RFX4: variants seen among roughly 807,000 people sequenced by gnomAD.
The protein encoded by RFX4 is regulatory factor X4.
In RFX4, 10 loss-of-function variants were observed where a neutral mutation model predicts 95.0. The ratio of observed to expected loss-of-function variants is 0.11; its 90% CI spans 0.06 to 0.18. RFX4 has a LOEUF of 0.18. RFX4 is among the 10% of genes least tolerant of loss of function. RFX4 has a pLI of 1.00. For missense variants in RFX4, 640 were observed against 922.0 expected, an observed-to-expected ratio of 0.69 and a Z score of 3.96; for synonymous variants, 321 against 340.7, an observed-to-expected ratio of 0.94 and a Z score of 0.64.
chr12:106,693,031 C>T, intron 7 of RFX4: 1 of 373,682 alleles, frequency 2.7e-6, no homozygotes, highest in Non-Finnish European at 5.4e-6. Flanking sequence ...GCTTAAGCCA[C>T]AAACTTTGAT....
rs1375269151 is a variant in RFX4, at chr12:106,762,605, T to C, written c.*1136T>C. 1 of 152,606 alleles carries C rather than the reference T, an allele frequency of 6.6e-6. No individual in the cohort carries two copies. The highest frequency in any genetic ancestry group is 6.6e-5 in the Admixed American group (1 of 15,262). 9.5% of individuals were successfully genotyped at this position (152,606 alleles called of 1,614,324 possible). A position where few individuals can be genotyped will look rare whatever the true frequency, so the allele number is the denominator to read the frequency against. ...TATTATAAAATGCACCAAGCAATTATGGTGGACCTATTACCCTATGGGTAA... is the reference window on the plus strand; with the variant it reads ...TATTATAAAATGCACCAAGCAATTACGGTGGACCTATTACCCTATGGGTAA... On this transcript the variant is annotated 3_prime_UTR_variant, in exon 18 of 18. Coordinates refer to ENST00000392842, the MANE Select transcript of RFX4 (RefSeq NM_213594.3).
chr12:106,589,484 C>T (rs776505363), intron 1 of RFX4, among the ~76,000 whole-genome samples: 1 of 152,152 alleles, frequency 6.6e-6, no homozygotes, highest in Non-Finnish European at 1.5e-5. Flanking sequence ...CTGTAACAGG[C>T]ACTTTTTCAC....
rs924387322 is a variant in RFX4, at chr12:106,762,616, T to C, written c.*1147T>C. 1 of 152,584 alleles carries C rather than the reference T, an allele frequency of 6.6e-6. No individual in the cohort carries two copies. Among genetic ancestry groups the C allele is most frequent in the African/African-American group, 2.4e-5 (1 of 41,432 alleles). The allele number at this position is 152,584 out of a possible 1,614,324, so 9.5% of individuals were successfully genotyped here. A position where few individuals can be genotyped will look rare whatever the true frequency, so the allele number is the denominator to read the frequency against. ...GCACCAAGCAATTATGGTGGACCTA[T>C]TACCCTATGGGTAAGAAATAAATGG... On this transcript the variant is annotated 3_prime_UTR_variant, in exon 18 of 18. Transcript: ENST00000392842.
intron 10 of RFX4, among the ~76,000 whole-genome samples, chr12:106,712,662 A>G (rs1277927718): frequency 2.6e-5 from 4 of 152,178 alleles, no homozygotes; most frequent in Admixed American, 6.5e-5. Flanking sequence ...TTTGGAGACC[A>G]GAGGGAAACT....
chr12:106,669,839 GGTGTGTGTGTGTGTGTGTGTGT>G (rs60975691), intron 4 of RFX4, among the ~76,000 whole-genome samples: 1 of 143,158 alleles, frequency 7.0e-6, no homozygotes, highest in African/African-American at 2.6e-5. Flanking sequence ...TTTTTCTAGG[GGTGTGTGTGTGTGTGTGTGTGT>G]GTGTGTGTGT....
chr12:106,651,733 C>G (rs984058826), intron 3 of RFX4, among the ~76,000 whole-genome samples: 4 of 152,176 alleles, frequency 2.6e-5, no homozygotes, highest in African/African-American at 9.7e-5. Flanking sequence ...AGGACTCTGG[C>G]CAACTTCAGG....
intron 3 of RFX4, among the ~76,000 whole-genome samples, chr12:106,644,521 C>T (rs1592889554): frequency 6.6e-6 from 1 of 152,186 alleles, no homozygotes; most frequent in Admixed American, 6.5e-5. Context: ...GCATGAGCCA[C>T]CCCACCCGGC....
chr12:106,650,278 TAGCAAAAATA>T (rs536220474), intron 3 of RFX4, among the ~76,000 whole-genome samples: 138 of 152,296 alleles, frequency 9.1e-4, no homozygotes, highest in South Asian at 6.0e-3. Flanking sequence ...AGGAAGCCAT[TAGCAAAAATA>T]AGCAAAAAGG....
chr12:106,628,094 C>A (rs1399848963), intron 2 of RFX4, among the ~76,000 whole-genome samples: 1 of 152,160 alleles, frequency 6.6e-6, no homozygotes, highest in African/African-American at 2.4e-5. Flanking sequence ...TTTAAGATGA[C>A]CTCCTTGGCT....
At chr12:106,716,184 T>A (rs1453163994) in intron 11 of RFX4, among the ~76,000 whole-genome samples, 3 of 152,082 alleles carry the variant, frequency 2.0e-5, no homozygotes, top group South Asian at 4.2e-4. Context: ...ATTCCTCAGA[T>A]GCCCATCCCA....
Position 106,583,131 on chromosome 12 carries a change from T to G in RFX4, c.-190T>G. On this transcript the variant is annotated 5_prime_UTR_variant, in exon 1 of 18. Transcript: ENST00000392842. ...CTCCCTCTCTCTCCTCTTTTCTTCTTTCTCTTTTCTTTCCTCTTCTTTTTC... is the reference window on the plus strand; with the variant it reads ...CTCCCTCTCTCTCCTCTTTTCTTCTGTCTCTTTTCTTTCCTCTTCTTTTTC... The G allele has an allele frequency of 4.3e-6, 2 of 466,394 alleles. No homozygotes were observed. Among genetic ancestry groups the G allele is most frequent in the Non-Finnish European group, 7.3e-6 (2 of 274,684 alleles). The allele number at this position is 466,394 out of a possible 1,614,324, so 28.9% of individuals were successfully genotyped here.
intron 15 of RFX4, among the ~76,000 whole-genome samples, chr12:106,738,720 T>A (rs2042755358): frequency 1.3e-5 from 2 of 152,206 alleles, no homozygotes; most frequent in Admixed American, 6.5e-5. Context: ...ACTCCATTGC[T>A]AAATTAGACT....
intron 2 of RFX4, among the ~76,000 whole-genome samples, chr12:106,615,872 T>G (rs2040061131): frequency 6.6e-6 from 1 of 152,258 alleles, no homozygotes; most frequent in African/African-American, 2.4e-5. Context: ...TTGCATTTTT[T>G]GAACATTCTA....
chr12:106,674,068 C>G (rs2041343271), intron 4 of RFX4, among the ~76,000 whole-genome samples: 1 of 152,192 alleles, frequency 6.6e-6, no homozygotes, highest in African/African-American at 2.4e-5. Flanking sequence ...CCCTGTGAAC[C>G]CCTCCAGCCC....
chr12:106,736,853 TC>T (rs1313085358), intron 15 of RFX4, among the ~76,000 whole-genome samples: 10 of 152,230 alleles, frequency 6.6e-5, no homozygotes, highest in African/African-American at 2.2e-4. Flanking sequence ...CAGACTCTAC[TC>T]TGTCCTCTCA....
chr12:106,698,419 T>A (rs560690300), intron 8 of RFX4, among the ~76,000 whole-genome samples: 4 of 152,110 alleles, frequency 2.6e-5, no homozygotes, highest in Non-Finnish European at 4.4e-5. Flanking sequence ...GCTAGAACTA[T>A]AGGCATGCCC....
rs530171260 is a variant in RFX4 at position 106,664,171 on chromosome 12, T to G, written c.315+9820T>G. 7.0e-4 allele frequency among the ~76,000 whole-genome samples: 106 copies of G among 152,070 alleles called. No homozygotes were observed. In the South Asian group the frequency reaches 0.011, roughly 16 times the overall value. On this transcript the variant is annotated intron_variant, in intron 4 of 17. Transcript: ENST00000392842. ...ATAAATGTTTGGTAGAATTTACCAG[T>G]GCACCCATCTGAACCTGGTGCTTTC...
intron 10 of RFX4, 177 bp from the exon 11 acceptor site, chr12:106,715,223 T>A: frequency 1.5e-6 from 1 of 648,956 alleles, no homozygotes; most frequent in Non-Finnish European, 2.6e-6. Flanking sequence ...GAGAAAACAG[T>A]GTCTGCGTCT....
chr12:106,587,991 T>C (rs181271749), intron 1 of RFX4, among the ~76,000 whole-genome samples: 35 of 152,290 alleles, frequency 2.3e-4, no homozygotes, highest in African/African-American at 7.9e-4. Context: ...TCCAAGATTA[T>C]TTTTAATTGC....
Sources: allele counts gnomAD v4.1 joint callset (sites outside exome capture counted in the v4.1 genomes callset), GRCh38; gene constraint gnomAD v4.1.1; transcripts MANE v1.5; gene names NCBI Gene and HGNC (gene_info 2026-07-23, HGNC 2026-07-21).